ICA1: variants seen among roughly 807,000 people sequenced by gnomAD.
ICA1 encodes the protein islet cell autoantigen 1, also known as 69 kDa islet cell autoantigen.
Under a neutral mutation model 71.0 loss-of-function variants are expected in ICA1, and 40 were observed. That is an observed-to-expected ratio of 0.56 (90% CI 0.44 to 0.73). The LOEUF (loss-of-function observed/expected upper bound fraction) is 0.73. Ranked by LOEUF, ICA1 falls within the 30% of genes least tolerant of loss-of-function variation. The pLI is 0.00. For synonymous variants in ICA1, 207 were observed against 209.5 expected, an observed-to-expected ratio of 0.99 and a Z score of 0.10; for missense variants, 578 against 576.5, an observed-to-expected ratio of 1.00 and a Z score of -0.03.
intron 13 of ICA1, among the ~76,000 whole-genome samples, chr7:8,117,557 C>T (rs753672404): frequency 1.3e-5 from 2 of 152,142 alleles, no homozygotes; most frequent in Non-Finnish European, 2.9e-5. Flanking sequence ...CAATTTGCTC[C>T]AAAATACTTA....
chr7:8,123,271 A>G lies in ICA1; in HGVS notation c.1330+4602T>C, dbSNP rs1787715638. On this transcript the variant is annotated intron_variant, in intron 13 of 13. Transcript: ENST00000402384. The surrounding 1 kb of genome is among the most constrained non-coding windows in gnomAD (Gnocchi z 4.1). Reference sequence around the variant, plus strand: ...GTTCTCCAAATCCCCCTTCCTCTCCATTTCCCCAGGGGACTGGGGACAGAA... The same window carrying G: ...GTTCTCCAAATCCCCCTTCCTCTCCGTTTCCCCAGGGGACTGGGGACAGAA... 6.6e-6 allele frequency among the ~76,000 whole-genome samples: 1 copy of G among 152,172 alleles called. No homozygotes were observed.
At chr7:8,212,653 A>T (rs1479958191) in intron 6 of ICA1, among the ~76,000 whole-genome samples, 1 of 152,226 alleles carries the variant, frequency 6.6e-6, no homozygotes. Flanking sequence ...AAACTGCAAT[A>T]GGCCTATCGG....
At chr7:8,159,562 TG>T (rs1278226332) in intron 6 of ICA1, among the ~76,000 whole-genome samples, 1 of 151,874 alleles carries the variant, frequency 6.6e-6, no homozygotes, top group African/African-American at 2.4e-5. Flanking sequence ...AACAAAGGTG[TG>T]GGGTTGCACG....
chr7:8,115,550 A>T (rs1488852234), intron 13 of ICA1, among the ~76,000 whole-genome samples: 1 of 152,174 alleles, frequency 6.6e-6, no homozygotes, highest in Non-Finnish European at 1.5e-5. Context: ...TGCCGTGAGG[A>T]GCCAGTGATT....
intron 8 of ICA1, among the ~76,000 whole-genome samples, chr7:8,154,714 A>C (rs1442053431): frequency 6.6e-6 from 1 of 152,228 alleles, no homozygotes; most frequent in African/African-American, 2.4e-5. Context: ...TTGATAAAAT[A>C]CAAATCTTAT....
rs937561714 is a variant in ICA1, at chr7:8,128,213, G to C, written c.1061-71C>G. On this transcript the variant is annotated intron_variant, in intron 12 of 13. Coordinates refer to ENST00000402384, the MANE Select transcript of ICA1 (RefSeq NM_001136020.3). ...GCCCTCAGGAATCAATGCTGTGGGG[G>C]CTGCGAAGGGGGAGACTGGTTGATG... is the stretch of plus-strand genomic sequence containing the variant. 5.3e-6 allele frequency: 8 copies of C among 1,502,704 alleles called. No individual in the cohort carries two copies. In the African/African-American group the frequency reaches 9.7e-5, roughly 18 times the overall value. 93.1% of individuals were successfully genotyped at this position (1,502,704 alleles called of 1,614,324 possible). A position where few individuals can be genotyped will look rare whatever the true frequency, so the allele number is the denominator to read the frequency against.
chr7:8,236,030 T>A, intron 1 of ICA1, 25 bp from the exon 2 acceptor site: 1 of 1,185,900 alleles, frequency 8.4e-7, no homozygotes, highest in Non-Finnish European at 1.2e-6. Flanking sequence ...ATATGTTTAA[T>A]AGTTACACAC....
At chr7:8,135,112 C>T (rs1383461548) in intron 12 of ICA1, among the ~76,000 whole-genome samples, 3 of 151,992 alleles carry the variant, frequency 2.0e-5, no homozygotes, top group Admixed American at 6.6e-5. Context: ...CTGCAACCTC[C>T]GCCTCCCGGG....
chr7:8,114,154 AC>A (rs1229570816), intron 13 of ICA1, 110 bp from the exon 14 acceptor site: 132 of 1,220,666 alleles, frequency 1.1e-4, no homozygotes, highest in Non-Finnish European at 1.6e-4. Context: ...GTTCAATCAG[AC>A]AAATCCCTTT....
intron 6 of ICA1, among the ~76,000 whole-genome samples, chr7:8,168,260 G>C (rs1209905002): frequency 1.3e-5 from 2 of 152,052 alleles, no homozygotes; most frequent in Non-Finnish European, 2.9e-5. Flanking sequence ...TCATGATAAA[G>C]GTTTCTTTTT....
intron 8 of ICA1, among the ~76,000 whole-genome samples, chr7:8,151,904 G>A (rs929549621): frequency 1.3e-5 from 2 of 152,190 alleles, no homozygotes; most frequent in African/African-American, 4.8e-5. Flanking sequence ...CTGTTTCAAT[G>A]GTTATTTTTG....
intron 13 of ICA1, among the ~76,000 whole-genome samples, chr7:8,120,694 T>C (rs907788119): frequency 5.3e-5 from 8 of 152,142 alleles, no homozygotes; most frequent in Admixed American, 3.9e-4. Flanking sequence ...CTTTGATATA[T>C]CAGATGTGCT....
intron 9 of ICA1, among the ~76,000 whole-genome samples, chr7:8,142,820 C>T (rs1237656734): frequency 6.6e-6 from 1 of 152,220 alleles, no homozygotes; most frequent in Non-Finnish European, 1.5e-5. Context: ...ATGGGTTAAA[C>T]TGGTTCACCA....
At chr7:8,146,796 C>T (rs575375080) in intron 8 of ICA1, among the ~76,000 whole-genome samples, 1 of 142,684 alleles carries the variant, frequency 7.0e-6, no homozygotes, top group South Asian at 2.4e-4. Flanking sequence ...GGAAGGAGTT[C>T]AATAGATGTC....
chr7:8,127,972 C>A lies in ICA1; in HGVS notation c.1231G>T (p.Ala411Ser). ...GCCTTGGGGTCTGGCTCTCCCAGGG[C>A]CATAGTGGGCACTGGCTCCTTCACT... ...GQVKEPVPTM[A>S]LGEPDPKAQT... The change falls in exon 13 of 14, where the codon GCC becomes TCC. Residue 411 changes from alanine (A) to serine (S), a missense_variant. Transcript: ENST00000402384. 6.2e-7 allele frequency: 1 copy of A among 1,614,212 alleles called. No individual in the cohort carries two copies. The highest frequency in any genetic ancestry group is 8.5e-7 in the Non-Finnish European group (1 of 1,180,036).
chr7:8,151,563 G>A (rs887918195), intron 8 of ICA1, among the ~76,000 whole-genome samples: 15 of 152,304 alleles, frequency 9.8e-5, no homozygotes, highest in East Asian at 1.9e-4. Flanking sequence ...CTGGATGCTC[G>A]CCATATGTAA....
chr7:8,180,290 T>C (rs1781815617), intron 6 of ICA1, among the ~76,000 whole-genome samples: 1 of 152,178 alleles, frequency 6.6e-6, no homozygotes, highest in South Asian at 2.1e-4. Flanking sequence ...TATATTGTGA[T>C]ATCTAGTTTC....
chr7:8,154,594 G>C (rs1193271998), intron 8 of ICA1, among the ~76,000 whole-genome samples: 1 of 151,982 alleles, frequency 6.6e-6, no homozygotes, highest in East Asian at 1.9e-4. Context: ...TATTTGCTTA[G>C]GTAAATCAAC....
chr7:8,185,911 G>A (rs936819814), intron 6 of ICA1, among the ~76,000 whole-genome samples: 1 of 152,166 alleles, frequency 6.6e-6, no homozygotes, highest in Non-Finnish European at 1.5e-5. Flanking sequence ...TAGGAGCCTG[G>A]GTTAGATGCT....
Sources: allele counts gnomAD v4.1 joint callset (sites outside exome capture counted in the v4.1 genomes callset), GRCh38; gene constraint gnomAD v4.1.1; non-coding constraint Gnocchi (gnomAD v3.1); transcripts MANE v1.5; gene names NCBI Gene and HGNC (gene_info 2026-07-23, HGNC 2026-07-21).